Variants in SP4 observed in about 807,000 individuals in gnomAD.
The protein encoded by SP4 is transcription factor Sp4.
Under a neutral mutation model 72.8 loss-of-function variants are expected in SP4, and 19 were observed. That is an observed-to-expected ratio of 0.26 (90% CI 0.18 to 0.38). SP4 has a LOEUF of 0.38. SP4 is among the 10% of genes least tolerant of loss of function. SP4 has a pLI of 1.00. For synonymous variants in SP4, 395 were observed against 333.1 expected (o/e 1.19, Z -2.02); for missense variants, 1,008 against 926.3 (o/e 1.09, Z -1.14).
chr7:21,487,928 A>G (rs926439223), intron 5 of SP4, among the ~76,000 whole-genome samples: 1 of 151,994 alleles, frequency 6.6e-6, no homozygotes. Context: ...TGGCACGATC[A>G]CAGCTCACTG....
chr7:21,448,731 T>C (rs1423728938), intron 3 of SP4, among the ~76,000 whole-genome samples: 1 of 152,206 alleles, frequency 6.6e-6, no homozygotes, highest in Admixed American at 6.5e-5. Flanking sequence ...CATCGTTTTG[T>C]TTACCTTTAC....
chr7:21,461,899 G>C (rs1360659249), intron 3 of SP4, among the ~76,000 whole-genome samples: 1 of 152,220 alleles, frequency 6.6e-6, no homozygotes, highest in Non-Finnish European at 1.5e-5. Flanking sequence ...AGTTCACAAG[G>C]TTGGTAGAAG....
chr7:21,441,992 ATGTGTGTGTGTGTTTGTGTGTG>A (rs1429603718), intron 3 of SP4, among the ~76,000 whole-genome samples: 4 of 107,780 alleles, frequency 3.7e-5, no homozygotes, highest in South Asian at 3.4e-4. Context: ...ATTTCATTTT[ATGTGTGTGTGTGTTTGTGTGTG>A]TGTGTGTGTG....
intron 5 of SP4, among the ~76,000 whole-genome samples, chr7:21,486,521 G>A (rs980777544): frequency 1.3e-5 from 2 of 151,970 alleles, no homozygotes; most frequent in African/African-American, 2.4e-5. Context: ...GGACACATTT[G>A]AAAGTGGTTT....
intron 4 of SP4, among the ~76,000 whole-genome samples, chr7:21,479,986 T>G (rs928382935): frequency 3.3e-5 from 5 of 150,960 alleles, no homozygotes; most frequent in Admixed American, 6.6e-5. Flanking sequence ...ATAACAGTTT[T>G]TTTGTTTGTT....
intron 3 of SP4, among the ~76,000 whole-genome samples, chr7:21,455,026 GC>G (rs1421102644): frequency 6.6e-6 from 1 of 152,182 alleles, no homozygotes; most frequent in African/African-American, 2.4e-5. Context: ...GTTTCCCTTG[GC>G]TTTGTACTGT....
At chr7:21,449,840 G>A (rs992263408) in intron 3 of SP4, among the ~76,000 whole-genome samples, 1 of 151,724 alleles carries the variant, frequency 6.6e-6, no homozygotes, top group African/African-American at 2.4e-5. Flanking sequence ...TTTTTATTGG[G>A]AAAAAAATTA....
At chr7:21,449,847 A>G (rs1206803079) in intron 3 of SP4, among the ~76,000 whole-genome samples, 1 of 151,772 alleles carries the variant, frequency 6.6e-6, no homozygotes, top group Non-Finnish European at 1.5e-5. Context: ...TGGGAAAAAA[A>G]TTATAGGCAA....
At chr7:21,505,222 T>G (rs1216927240) in intron 5 of SP4, among the ~76,000 whole-genome samples, 1 of 152,222 alleles carries the variant, frequency 6.6e-6, no homozygotes, top group Non-Finnish European at 1.5e-5. Context: ...AGACCCACTA[T>G]TCCCAGTATT....
intron 3 of SP4, among the ~76,000 whole-genome samples, chr7:21,474,534 C>G (rs7780553): frequency 0.75 from 114,457 of 152,182 alleles, 43,894 homozygotes; most frequent in African/African-American, 0.91. Context: ...CATCCTTAAG[C>G]CATCTAGTTT....
At chr7:21,483,414 G>C (rs1185022797) in intron 5 of SP4, among the ~76,000 whole-genome samples, 1 of 151,452 alleles carries the variant, frequency 6.6e-6, no homozygotes, top group Non-Finnish European at 1.5e-5. Flanking sequence ...TTTGTCTTTT[G>C]CTTTTTGTTT....
At chr7:21,488,779 C>G (rs750666679) in intron 5 of SP4, among the ~76,000 whole-genome samples, 1 of 151,652 alleles carries the variant, frequency 6.6e-6, no homozygotes, top group African/African-American at 2.4e-5. Flanking sequence ...AAAAAAAATA[C>G]TGATAACTTG....
At chr7:21,451,244 G>C (rs777479113) in intron 3 of SP4, among the ~76,000 whole-genome samples, 1 of 152,178 alleles carries the variant, frequency 6.6e-6, no homozygotes, top group African/African-American at 2.4e-5. Flanking sequence ...CAACTCCTGA[G>C]ATCTTATCAG....
chr7:21,444,595 T>C (rs1412818397), intron 3 of SP4, among the ~76,000 whole-genome samples: 1 of 152,210 alleles, frequency 6.6e-6, no homozygotes, highest in African/African-American at 2.4e-5. Flanking sequence ...ACTGTAGTGT[T>C]TGTTTTCTGT....
chr7:21,448,616 A>G (rs926224214), intron 3 of SP4, among the ~76,000 whole-genome samples: 1 of 152,198 alleles, frequency 6.6e-6, no homozygotes, highest in African/African-American at 2.4e-5. Flanking sequence ...TATAAAATGA[A>G]GATAGCCTGC....
At chr7:21,485,396 GAA>G (rs1246744839) in intron 5 of SP4, among the ~76,000 whole-genome samples, 1 of 151,926 alleles carries the variant, frequency 6.6e-6, no homozygotes, top group Non-Finnish European at 1.5e-5. Flanking sequence ...TGAAATCACA[GAA>G]AAGTTTACTG....
At chr7:21,461,335 G>C (rs998102747) in intron 3 of SP4, among the ~76,000 whole-genome samples, 1 of 152,166 alleles carries the variant, frequency 6.6e-6, no homozygotes, top group African/African-American at 2.4e-5. Flanking sequence ...CGGCTGGGTG[G>C]GGGTAGACTC....
chr7:21,485,962 A>G (rs923465128), intron 5 of SP4, among the ~76,000 whole-genome samples: 2 of 151,238 alleles, frequency 1.3e-5, no homozygotes, highest in Admixed American at 6.6e-5. Flanking sequence ...TTCTTGGTCT[A>G]CTCTCTTCGT....
At chr7:21,439,112 T>C (rs1783147001) in intron 3 of SP4, among the ~76,000 whole-genome samples, 1 of 152,218 alleles carries the variant, frequency 6.6e-6, no homozygotes, top group South Asian at 2.1e-4. Flanking sequence ...TTCCCCCCTC[T>C]GATAAGGGGG....
Sources: gnomAD v4.1 joint callset for allele counts (sites outside exome capture counted in the v4.1 genomes callset) on GRCh38, gnomAD v4.1.1 for gene constraint, MANE v1.5 for transcripts, NCBI Gene and HGNC (gene_info 2026-07-23, HGNC 2026-07-21) for gene names.